The following NCOR2 variants were observed in gnomAD, a reference collection of about 807,000 sequenced individuals.
NCOR2 encodes the protein nuclear receptor corepressor 2, also known as CTG repeat protein 26.
In NCOR2, 81 loss-of-function variants were observed where a neutral mutation model predicts 262.9. The ratio of observed to expected loss-of-function variants is 0.31; its 90% CI spans 0.26 to 0.37. NCOR2 has a LOEUF of 0.37. NCOR2 is among the 10% of genes least tolerant of loss of function. NCOR2 has a pLI of 1.00. For missense variants in NCOR2, 3,385 were observed against 3,621.4 expected (o/e 0.93, Z 1.68); for synonymous variants, 1,659 against 1,559.3 (o/e 1.06, Z -1.51).
chr12:124,342,067 G>T (rs2036497879), exon 34 of NCOR2: 1 of 1,608,192 alleles, frequency 6.2e-7, no homozygotes, highest in Non-Finnish European at 8.5e-7. Flanking sequence ...GCAGGTAGTA[G>T]GCAGCGGCTG....
intron 20 of NCOR2, among the ~76,000 whole-genome samples, chr12:124,364,133 G>A (rs976669568): frequency 6.6e-6 from 1 of 152,182 alleles, no homozygotes; most frequent in Non-Finnish European, 1.5e-5. Context: ...GCCCAGGCTG[G>A]GATCAAACAT....
chr12:124,370,762 C>T (rs182051497), intron 20 of NCOR2, among the ~76,000 whole-genome samples: 3 of 152,220 alleles, frequency 2.0e-5, no homozygotes, highest in East Asian at 3.9e-4. Flanking sequence ...TCACCCAGGC[C>T]AGGAGCAAAG....
At chr12:124,494,265 G>C in intron 1 of NCOR2, among the ~76,000 whole-genome samples, 1 of 152,062 alleles carries the variant, frequency 6.6e-6, no homozygotes, top group Non-Finnish European at 1.5e-5. Context: ...TGGCCGGCAG[G>C]GTCAGCTTCA....
At chr12:124,417,186 G>A (rs79299117) in intron 13 of NCOR2, among the ~76,000 whole-genome samples, 224 of 112,224 alleles carry the variant, frequency 2.0e-3, no homozygotes, top group Middle Eastern at 6.3e-3. Context: ...CGCAGAGCAG[G>A]CCGGACACTC....
chr12:124,460,560 A>G (rs553337677), intron 5 of NCOR2, among the ~76,000 whole-genome samples: 463 of 152,334 alleles, frequency 3.0e-3, no homozygotes, highest in Non-Finnish European at 4.9e-3. Flanking sequence ...TTCCAAGGAC[A>G]CGGAGTCCTC....
intron 1 of NCOR2, among the ~76,000 whole-genome samples, chr12:124,559,030 G>A (rs994670520): frequency 6.6e-6 from 1 of 152,116 alleles, no homozygotes; most frequent in Non-Finnish European, 1.5e-5. Context: ...GAGGGCCTCC[G>A]GACCCCAGAA....
chr12:124,420,744 C>G (rs1159897187), intron 12 of NCOR2, among the ~76,000 whole-genome samples: 1 of 152,118 alleles, frequency 6.6e-6, no homozygotes, highest in Non-Finnish European at 1.5e-5. Context: ...GGGCATGGAG[C>G]CCAGCTTGCC....
intron 13 of NCOR2, among the ~76,000 whole-genome samples, chr12:124,410,970 G>C (rs1378120805): frequency 6.6e-6 from 1 of 151,146 alleles, no homozygotes; most frequent in East Asian, 2.0e-4. Context: ...GAGAAAGGTG[G>C]GGGAGGAGCA....
At chr12:124,400,255 C>T (rs553469507) in intron 15 of NCOR2, among the ~76,000 whole-genome samples, 84 of 152,212 alleles carry the variant, frequency 5.5e-4, no homozygotes, top group South Asian at 2.7e-3. Context: ...TGTCCCCCCA[C>T]GTTAGAGGTA....
Position 124,482,858 on chromosome 12 carries a change from A to G in NCOR2, c.411+738T>C, listed in dbSNP as rs1031184161. Among the ~76,000 whole-genome samples the G allele has an allele frequency of 6.6e-6, 1 of 152,166 alleles. No individual in the cohort carries two copies. The highest frequency in any genetic ancestry group is 2.4e-5 in the African/African-American group (1 of 41,436). On this transcript the variant is annotated intron_variant, in intron 3 of 46. Transcript: ENST00000405201. This position sits in a 1 kb window ranked among gnomAD's most constrained non-coding sequence, Gnocchi z 6.3. ...CTGCAGACTCAACCCACGCTAGCCC[A>G]GTGCCACACGGTGGCCCAAGGAGCA...
Position 124,481,277 on chromosome 12 carries a change from G to A in NCOR2, c.411+2319C>T, listed in dbSNP as rs1190916911. On this transcript the variant is annotated intron_variant, in intron 3 of 46. Coordinates refer to ENST00000405201, the Ensembl canonical transcript of NCOR2. The surrounding 1 kb of genome is among the most constrained non-coding windows in gnomAD (Gnocchi z 4.6). ...TGGCTGGGGTACCCGAGGGGGCAGT[G>A]CCCGAGAGGAACTGGCATCGACACC... Among the ~76,000 whole-genome samples, 2 of 152,100 alleles carry A rather than the reference G, an allele frequency of 1.3e-5. No homozygotes were observed. Among genetic ancestry groups the A allele is most frequent in the East Asian group, 3.8e-4 (2 of 5,196 alleles).
At chr12:124,565,031 TGGGGAAA>T (rs2052190287) in intron 1 of NCOR2, among the ~76,000 whole-genome samples, 2 of 152,042 alleles carry the variant, frequency 1.3e-5, no homozygotes, top group African/African-American at 4.8e-5. Context: ...TATTATTAAT[TGGGGAAA>T]AAGAACAGAT....
chr12:124,426,669 C>A, exon 11 of NCOR2: 1 of 1,608,930 alleles, frequency 6.2e-7, no homozygotes, highest in Non-Finnish European at 8.5e-7. Context: ...TGTTCATGAC[C>A]TGGCGGTCTT....
chr12:124,348,648 C>A, intron 28 of NCOR2: 1 of 372,878 alleles, frequency 2.7e-6, no homozygotes. Flanking sequence ...TCCACACCCA[C>A]GGGTGCCGAC....
chr12:124,372,423 G>A, exon 20 of NCOR2: 2 of 1,513,212 alleles, frequency 1.3e-6, no homozygotes, highest in Non-Finnish European at 1.8e-6. Flanking sequence ...GGGCTCCGGT[G>A]GCTTCAGAGG....
At chr12:124,489,597 G>C (rs925043934) in intron 1 of NCOR2, among the ~76,000 whole-genome samples, 8 of 152,154 alleles carry the variant, frequency 5.3e-5, no homozygotes, top group African/African-American at 1.7e-4. Flanking sequence ...CAGAAAGGGA[G>C]GCAGGAAAAA....
intron 27 of NCOR2, among the ~76,000 whole-genome samples, chr12:124,351,043 G>A (rs2037406763): frequency 6.6e-6 from 1 of 152,084 alleles, no homozygotes; most frequent in Non-Finnish European, 1.5e-5. Flanking sequence ...GTTTCAGATG[G>A]GGAAACCGAG....
intron 1 of NCOR2, among the ~76,000 whole-genome samples, chr12:124,487,384 C>G (rs1186111096): frequency 6.6e-6 from 1 of 152,234 alleles, no homozygotes; most frequent in Admixed American, 6.5e-5. Context: ...GAAGGGTAAG[C>G]CTTAGGCAGA....
chr12:124,405,695 C>T lies in NCOR2; in HGVS notation c.1483-3134G>A, dbSNP rs575422248. Among the ~76,000 whole-genome samples, 297 of 152,316 alleles carry T rather than the reference C, an allele frequency of 1.9e-3. 1 individual carries two copies. The highest frequency in any genetic ancestry group is 3.7e-3 in the Non-Finnish European group (249 of 68,016). ...GGACTGATTGAGGGCCGCTCATACT[C>T]GCTGCTGGGAGATTATGCAGGGAGA... is the stretch of plus-strand genomic sequence containing the variant. On this transcript the variant is annotated intron_variant, in intron 13 of 46. Transcript: ENST00000405201.
Sources: gnomAD v4.1 joint callset for allele counts (sites outside exome capture counted in the v4.1 genomes callset) on GRCh38, gnomAD v4.1.1 for gene constraint, Gnocchi (gnomAD v3.1) non-coding constraint, MANE v1.5 for transcripts, NCBI Gene and HGNC (gene_info 2026-07-23, HGNC 2026-07-21) for gene names.